CACNB2: variants seen among roughly 807,000 people sequenced by gnomAD.
CACNB2 encodes calcium voltage-gated channel auxiliary subunit beta 2, also known as voltage-dependent L-type calcium channel subunit beta-2.
CACNB2 carries 42 observed loss-of-function variants against 73.3 expected under a neutral mutation model. That is an observed-to-expected ratio of 0.57 (90% CI 0.45 to 0.74). The LOEUF is 0.74. CACNB2 is among the 30% of genes least tolerant of loss of function. The pLI is 0.00. For missense variants in CACNB2, 940 were observed against 853.0 expected (o/e 1.10, Z -1.27); for synonymous variants, 348 against 310.3 (o/e 1.12, Z -1.28).
At chr10:18,277,173 C>A (rs556720722) in intron 2 of CACNB2, among the ~76,000 whole-genome samples, 2 of 152,166 alleles carry the variant, frequency 1.3e-5, no homozygotes, top group Admixed American at 6.6e-5. Context: ...TAAAGAATCC[C>A]GTGAGGAAGT....
At chr10:18,512,932 G>A (rs1348113148) in intron 6 of CACNB2, among the ~76,000 whole-genome samples, 3 of 152,114 alleles carry the variant, frequency 2.0e-5, no homozygotes, top group East Asian at 1.9e-4. Flanking sequence ...GCGTTGTCAC[G>A]GAGAAGAACT....
At chr10:18,485,702 C>T (rs760093050) in intron 3 of CACNB2, among the ~76,000 whole-genome samples, 4 of 151,684 alleles carry the variant, frequency 2.6e-5, no homozygotes, top group South Asian at 2.1e-4. Flanking sequence ...GCTGGGATTA[C>T]AGGCACCCAC....
chr10:18,457,486 A>G (rs531108440), intron 3 of CACNB2, among the ~76,000 whole-genome samples: 30 of 152,328 alleles, frequency 2.0e-4, no homozygotes, highest in Middle Eastern at 3.4e-3. Context: ...CCTCCCACAT[A>G]GCAATGCCTC....
chr10:18,254,009 A>G (rs1424451069), intron 2 of CACNB2, among the ~76,000 whole-genome samples: 2 of 152,224 alleles, frequency 1.3e-5, no homozygotes, highest in Non-Finnish European at 2.9e-5. Flanking sequence ...AGGTTGAGGA[A>G]GAGAGAGTCA....
intron 3 of CACNB2, among the ~76,000 whole-genome samples, chr10:18,437,368 C>G (rs1427490798): frequency 6.6e-6 from 1 of 152,098 alleles, no homozygotes; most frequent in Non-Finnish European, 1.5e-5. Context: ...CCCTACAAAG[C>G]CAAAATCCAT....
chr10:18,469,506 C>A (rs566779778), intron 3 of CACNB2, among the ~76,000 whole-genome samples: 34 of 152,288 alleles, frequency 2.2e-4, no homozygotes, highest in Admixed American at 2.6e-4. Flanking sequence ...TGAAAACCAA[C>A]CTCATGTTCC....
intron 2 of CACNB2, among the ~76,000 whole-genome samples, chr10:18,314,142 ACT>A (rs960570724): frequency 1.5e-4 from 23 of 152,224 alleles, no homozygotes; most frequent in African/African-American, 5.1e-4. Flanking sequence ...TCACTTGGAA[ACT>A]CTATAATTAT....
At chr10:18,462,239 A>T (rs2047620710) in intron 3 of CACNB2, among the ~76,000 whole-genome samples, 1 of 152,216 alleles carries the variant, frequency 6.6e-6, no homozygotes, top group Admixed American at 6.5e-5. Flanking sequence ...GTAAGACAGC[A>T]AATAGGAGCG....
chr10:18,515,567 AG>A lies in CACNB2; in HGVS notation c.804+1199del. ...TGAGGTGTCAGATACAGAACTGTAA[AG>A]TTGGCTTTTTTTGAATCAATTATGA... On this transcript the variant is annotated intron_variant, in intron 7 of 13. Transcript: ENST00000324631. Among the ~76,000 whole-genome samples, 3 of 152,354 alleles carry A rather than the reference AG, an allele frequency of 2.0e-5. 1 individual carries two copies. Among genetic ancestry groups the A allele is most frequent in the Admixed American group, 2.0e-4 (3 of 15,306 alleles).
chr10:18,226,476 T>C (rs1306278858), intron 2 of CACNB2, among the ~76,000 whole-genome samples: 3 of 152,178 alleles, frequency 2.0e-5, no homozygotes, highest in African/African-American at 7.2e-5. Flanking sequence ...TAATGCTCCT[T>C]ATAAACCAGT....
At chr10:18,178,240 G>C (rs143821222) in intron 2 of CACNB2, among the ~76,000 whole-genome samples, 35 of 152,206 alleles carry the variant, frequency 2.3e-4, no homozygotes, top group South Asian at 8.3e-4. Flanking sequence ...GTTGAAATGA[G>C]CCTTTTCTTT....
At chr10:18,414,748 GATT>G (rs1213542752) in intron 3 of CACNB2, among the ~76,000 whole-genome samples, 1 of 150,410 alleles carries the variant, frequency 6.6e-6, no homozygotes, top group Non-Finnish European at 1.5e-5. Context: ...ATTAAGGAAG[GATT>G]ATTATAAATT....
At chr10:18,174,650 C>T (rs547948616) in intron 2 of CACNB2, among the ~76,000 whole-genome samples, 1 of 152,136 alleles carries the variant, frequency 6.6e-6, no homozygotes, top group Non-Finnish European at 1.5e-5. Context: ...GTGATCCACC[C>T]GCCTTGGCCT....
intron 5 of CACNB2, among the ~76,000 whole-genome samples, chr10:18,502,405 C>T (rs543690666): frequency 4.0e-5 from 6 of 150,976 alleles, no homozygotes; most frequent in South Asian, 2.1e-4. Context: ...AAACCAAATA[C>T]GGGGGCCACG....
In CACNB2 at chr10:18,466,086, C is replaced by G. The variant is rs941777822; in HGVS notation, c.334-32269C>G. On this transcript the variant is annotated intron_variant, in intron 3 of 13. Coordinates refer to ENST00000324631, the MANE Select transcript of CACNB2 (RefSeq NM_201596.3). ...ACTTGACAAACACATACAGGCACAC[C>G]TCCCTACCCTGGGGATGACTTATCT... Among the ~76,000 whole-genome samples the G allele has an allele frequency of 2.0e-5, 3 of 152,176 alleles. No individual in the cohort carries two copies. The East Asian group carries it at 5.8e-4, about 29-fold the overall frequency.
intron 2 of CACNB2, among the ~76,000 whole-genome samples, chr10:18,164,256 T>C (rs1015131800): frequency 2.0e-5 from 3 of 152,242 alleles, no homozygotes; most frequent in Admixed American, 1.3e-4. Flanking sequence ...TGTGAACTTA[T>C]GTAAAGCCCT....
Position 18,474,722 on chromosome 10 carries a change from C to T in CACNB2, c.334-23633C>T, listed in dbSNP as rs564990396. On this transcript the variant is annotated intron_variant, in intron 3 of 13. Transcript: ENST00000324631. ...AGCACCGAAAGGAAAACTGTTTCCTCTCTACTCTCCCACTACTCTCAATTC... is the reference window on the plus strand; with the variant it reads ...AGCACCGAAAGGAAAACTGTTTCCTTTCTACTCTCCCACTACTCTCAATTC... Among the ~76,000 whole-genome samples, 10 of 152,220 alleles carry T rather than the reference C, an allele frequency of 6.6e-5. No homozygotes were observed. In the South Asian group the frequency reaches 2.1e-3, roughly 32 times the overall value.
chr10:18,434,182 A>G (rs1282931549), intron 3 of CACNB2, among the ~76,000 whole-genome samples: 1 of 152,172 alleles, frequency 6.6e-6, no homozygotes, highest in African/African-American at 2.4e-5. Flanking sequence ...GAGGTTTCTC[A>G]TATGGTATGA....
chr10:18,537,111 C>A (rs1299228114), intron 12 of CACNB2, among the ~76,000 whole-genome samples: 4 of 151,986 alleles, frequency 2.6e-5, no homozygotes, highest in Non-Finnish European at 4.4e-5. Flanking sequence ...CCTCGGCCCT[C>A]CAAGTAGCTA....
Sources: gnomAD v4.1 joint callset for allele counts (sites outside exome capture counted in the v4.1 genomes callset) on GRCh38, gnomAD v4.1.1 for gene constraint, MANE v1.5 for transcripts, NCBI Gene and HGNC (gene_info 2026-07-23, HGNC 2026-07-21) for gene names.